FSTL5: variants seen among roughly 807,000 people sequenced by gnomAD.
FSTL5 encodes follistatin like 5.
A neutral mutation model predicts 89.1 loss-of-function variants in FSTL5; 62 were observed. That is an observed-to-expected ratio of 0.70 (90% CI 0.57 to 0.86). The LOEUF is 0.86. Ranked by LOEUF, FSTL5 falls within the 40% of genes least tolerant of loss-of-function variation. FSTL5 has a pLI of 0.00. For synonymous variants in FSTL5, 383 were observed against 346.2 expected, an observed-to-expected ratio of 1.11 and a Z score of -1.18; for missense variants, 1,057 against 1,001.6, an observed-to-expected ratio of 1.06 and a Z score of -0.75.
intron 2 of FSTL5, among the ~76,000 whole-genome samples, chr4:162,108,959 C>G (rs898055748): frequency 1.3e-5 from 2 of 151,876 alleles, no homozygotes; most frequent in Non-Finnish European, 2.9e-5. Context: ...AGAAAACATC[C>G]AACAAACTAA....
chr4:161,694,030 T>C (rs1738048212), intron 6 of FSTL5, among the ~76,000 whole-genome samples: 1 of 152,292 alleles, frequency 6.6e-6, no homozygotes, highest in Middle Eastern at 3.4e-3. Flanking sequence ...TTCTTCTTAA[T>C]CTAGATAAAA....
At chr4:162,056,046 A>G (rs1259710823) in intron 2 of FSTL5, among the ~76,000 whole-genome samples, 2 of 151,928 alleles carry the variant, frequency 1.3e-5, no homozygotes, top group Non-Finnish European at 2.9e-5. Flanking sequence ...AATTTAGTAA[A>G]CAAATACTAA....
At chr4:161,796,456 A>C (rs1382619257) in intron 4 of FSTL5, among the ~76,000 whole-genome samples, 1 of 151,822 alleles carries the variant, frequency 6.6e-6, no homozygotes, top group East Asian at 1.9e-4. Context: ...ATATATTGCT[A>C]TCATGTAAAT....
At chr4:161,946,825 T>C (rs1287250544) in intron 3 of FSTL5, among the ~76,000 whole-genome samples, 1 of 152,200 alleles carries the variant, frequency 6.6e-6, no homozygotes, top group Non-Finnish European at 1.5e-5. Flanking sequence ...ACTGAAACTT[T>C]TATTTAAAGT....
At chr4:161,730,205 G>T (rs1425077293) in intron 6 of FSTL5, among the ~76,000 whole-genome samples, 13 of 152,026 alleles carry the variant, frequency 8.6e-5, no homozygotes, top group Admixed American at 7.9e-4. Flanking sequence ...TGACAGAAGA[G>T]CTTTGAATGA....
chr4:161,627,746 A>G (rs1322272032), intron 7 of FSTL5, among the ~76,000 whole-genome samples: 1 of 152,150 alleles, frequency 6.6e-6, no homozygotes, highest in Non-Finnish European at 1.5e-5. Context: ...TTTGAATATC[A>G]TGAAATATTT....
At chr4:161,693,472 A>G (rs1296172512) in intron 6 of FSTL5, among the ~76,000 whole-genome samples, 2 of 152,064 alleles carry the variant, frequency 1.3e-5, no homozygotes, top group African/African-American at 2.4e-5. Context: ...TTGTTGGTAG[A>G]TTTATGATAA....
At chr4:161,685,617 T>C (rs1737683735) in intron 6 of FSTL5, among the ~76,000 whole-genome samples, 1 of 152,248 alleles carries the variant, frequency 6.6e-6, no homozygotes, top group Non-Finnish European at 1.5e-5. Flanking sequence ...ATTTTGTATC[T>C]GGAAACTTGG....
chr4:161,727,706 C>T (rs1430728994), intron 6 of FSTL5, among the ~76,000 whole-genome samples: 1 of 152,250 alleles, frequency 6.6e-6, no homozygotes, highest in Middle Eastern at 3.4e-3. Flanking sequence ...TGTACAATTA[C>T]ACCCCTACCA....
At chr4:161,789,230 AT>A (rs1454105838) in intron 4 of FSTL5, among the ~76,000 whole-genome samples, 28 of 151,798 alleles carry the variant, frequency 1.8e-4, no homozygotes, top group African/African-American at 6.5e-4. Context: ...TATGATTGTC[AT>A]TTTGTGTTAG....
At chr4:161,917,372 C>A (rs1005352778) in intron 4 of FSTL5, among the ~76,000 whole-genome samples, 1 of 152,168 alleles carries the variant, frequency 6.6e-6, no homozygotes. Flanking sequence ...AAAGCTTTTA[C>A]GTATTTTCCA....
chr4:161,731,414 T>G (rs958203547), intron 6 of FSTL5, among the ~76,000 whole-genome samples: 2 of 152,072 alleles, frequency 1.3e-5, no homozygotes, highest in African/African-American at 4.8e-5. Context: ...ATTTCCCCCT[T>G]GCTGTTCTCA....
At chr4:162,041,025 G>A (rs1228528661) in intron 2 of FSTL5, among the ~76,000 whole-genome samples, 3 of 151,792 alleles carry the variant, frequency 2.0e-5, no homozygotes, top group African/African-American at 7.3e-5. Flanking sequence ...TCAGGTGGAG[G>A]GATAGGCAGA....
intron 4 of FSTL5, among the ~76,000 whole-genome samples, chr4:161,863,027 C>G (rs1731967851): frequency 6.6e-6 from 1 of 152,040 alleles, no homozygotes; most frequent in African/African-American, 2.4e-5. Flanking sequence ...ATATGGAAAG[C>G]CCATTTTTTG....
At chr4:161,795,602 T>G (rs540477741) in intron 4 of FSTL5, among the ~76,000 whole-genome samples, 1 of 152,226 alleles carries the variant, frequency 6.6e-6, no homozygotes, top group East Asian at 1.9e-4. Context: ...AAACAATCCA[T>G]CATCCCACAC....
intron 15 of FSTL5, among the ~76,000 whole-genome samples, chr4:161,413,145 T>G (rs1731651037): frequency 6.7e-6 from 1 of 149,908 alleles, no homozygotes; most frequent in Non-Finnish European, 1.5e-5. Flanking sequence ...TGGGAGAAGA[T>G]AACTCAACCT....
intron 3 of FSTL5, among the ~76,000 whole-genome samples, chr4:162,023,417 C>T (rs561491491): frequency 1.3e-5 from 2 of 152,214 alleles, no homozygotes; most frequent in East Asian, 3.9e-4. Flanking sequence ...GTGCCTAAAC[C>T]ACACACATGT....
intron 10 of FSTL5, among the ~76,000 whole-genome samples, chr4:161,526,627 G>A (rs1361000961): frequency 2.6e-5 from 4 of 152,128 alleles, no homozygotes; most frequent in African/African-American, 9.7e-5. Context: ...TTTTGTATAA[G>A]GTTTAAGGAA....
intron 10 of FSTL5, among the ~76,000 whole-genome samples, chr4:161,521,964 G>C (rs1160993455): frequency 6.6e-6 from 1 of 151,838 alleles, no homozygotes; most frequent in Admixed American, 6.6e-5. Context: ...TCCTACTAGG[G>C]GCTGTCTCAC....
Sources: allele counts gnomAD v4.1 joint callset (sites outside exome capture counted in the v4.1 genomes callset), GRCh38; gene constraint gnomAD v4.1.1; transcripts MANE v1.5; gene names NCBI Gene and HGNC (gene_info 2026-07-23, HGNC 2026-07-21).